Variants in CPEB1 observed in about 807,000 individuals in gnomAD.
The protein encoded by CPEB1 is cytoplasmic polyadenylation element binding protein 1, also known as cytoplasmic polyadenylation element-binding protein 1.
A neutral mutation model predicts 65.8 loss-of-function variants in CPEB1; 7 were observed. The observed-to-expected ratio is 0.11, with a 90% CI of 0.06 to 0.20. The LOEUF (loss-of-function observed/expected upper bound fraction) is 0.20. CPEB1 is among the 10% of genes least tolerant of loss of function. The probability of loss-of-function intolerance (pLI) is 1.00; values close to 1 mark genes in which losing one functional copy is unlikely to be tolerated. For synonymous variants in CPEB1, 262 were observed against 260.0 expected (o/e 1.01, Z -0.08); for missense variants, 551 against 712.2 (o/e 0.77, Z 2.58).
chr15:82,565,927 C>G (rs922410818), intron 4 of CPEB1, among the ~76,000 whole-genome samples: 4 of 152,244 alleles, frequency 2.6e-5, no homozygotes, highest in African/African-American at 9.6e-5. Flanking sequence ...CTACAGACAT[C>G]TCTCAGGGAA....
intron 1 of CPEB1, among the ~76,000 whole-genome samples, chr15:82,642,862 T>C (rs1286308067): frequency 6.6e-6 from 1 of 152,202 alleles, no homozygotes; most frequent in Non-Finnish European, 1.5e-5. Flanking sequence ...CCTCCAATAC[T>C]AGCTACTAAA....
At chr15:82,590,964 C>A (rs1033084500) in intron 3 of CPEB1, among the ~76,000 whole-genome samples, 7 of 152,202 alleles carry the variant, frequency 4.6e-5, no homozygotes, top group Non-Finnish European at 8.8e-5. Flanking sequence ...GTGAATAGCA[C>A]TGCAATGAAC....
chr15:82,628,749 CGG>C (rs1567233112), intron 1 of CPEB1, 193 bp from the exon 2 acceptor site: 2 of 330,030 alleles, frequency 6.1e-6, no homozygotes, highest in African/African-American at 2.1e-5. Context: ...TCCTCTTCCT[CGG>C]CCTGCTCAAT....
intron 6 of CPEB1, among the ~76,000 whole-genome samples, chr15:82,555,555 A>G (rs543259572): frequency 6.8e-4 from 104 of 152,320 alleles, no homozygotes; most frequent in Admixed American, 1.3e-3. Context: ...CACCCGTGGA[A>G]AAAGTAAAAG....
chr15:82,603,810 A>C (rs1403639299), intron 3 of CPEB1, among the ~76,000 whole-genome samples: 1 of 152,194 alleles, frequency 6.6e-6, no homozygotes, highest in Non-Finnish European at 1.5e-5. Flanking sequence ...ACTAGCTGAG[A>C]AGAGCCACTA....
chr15:82,546,594 C>T, intron 11 of CPEB1, 73 bp from the exon 12 acceptor site: 13 of 1,095,588 alleles, frequency 1.2e-5, no homozygotes, highest in Non-Finnish European at 1.8e-5. Context: ...AGAAGAAGGG[C>T]ACATTATTGG....
chr15:82,590,016 T>C, intron 3 of CPEB1, among the ~76,000 whole-genome samples: 1 of 152,162 alleles, frequency 6.6e-6, no homozygotes, highest in East Asian at 1.9e-4. Flanking sequence ...CAGGAGGTCC[T>C]GGATTCCCTA....
chr15:82,547,574 G>A (rs904954785), intron 10 of CPEB1, among the ~76,000 whole-genome samples: 5 of 151,682 alleles, frequency 3.3e-5, no homozygotes, highest in East Asian at 1.9e-4. Flanking sequence ...GATTACAGGC[G>A]TGAGCCACCG....
chr15:82,584,753 A>C (rs560450589), intron 3 of CPEB1, among the ~76,000 whole-genome samples: 1 of 151,948 alleles, frequency 6.6e-6, no homozygotes, highest in South Asian at 2.1e-4. Context: ...AAAGGGATAT[A>C]AAAAATTAAC....
intron 1 of CPEB1, among the ~76,000 whole-genome samples, chr15:82,635,895 G>C (rs938462381): frequency 6.6e-6 from 1 of 152,168 alleles, no homozygotes. Flanking sequence ...AGAGGATACA[G>C]AACACAGTAA....
At chr15:82,588,108 T>C (rs1414690175) in intron 3 of CPEB1, among the ~76,000 whole-genome samples, 1 of 125,842 alleles carries the variant, frequency 7.9e-6, no homozygotes, top group East Asian at 2.4e-4. Flanking sequence ...TGTTTGTTTT[T>C]TGTTTTTGTA....
At chr15:82,628,613 G>T in intron 1 of CPEB1, 57 bp from the exon 2 acceptor site, 1 of 593,744 alleles carries the variant, frequency 1.7e-6, no homozygotes. Context: ...TTACAGAAAT[G>T]AAAAAGCAAA....
chr15:82,632,131 G>A (rs926044477), intron 1 of CPEB1, among the ~76,000 whole-genome samples: 2 of 151,528 alleles, frequency 1.3e-5, no homozygotes, highest in Admixed American at 6.6e-5. Context: ...ACATACGCCC[G>A]CCACCACGCC....
At chr15:82,604,155 C>T (rs2043353243) in intron 3 of CPEB1, among the ~76,000 whole-genome samples, 1 of 152,106 alleles carries the variant, frequency 6.6e-6, no homozygotes, top group African/African-American at 2.4e-5. Flanking sequence ...TCAAGCCAAG[C>T]CTGGGCAACA....
At chr15:82,633,702 A>G (rs1175447072) in intron 1 of CPEB1, among the ~76,000 whole-genome samples, 1 of 152,170 alleles carries the variant, frequency 6.6e-6, no homozygotes, top group Non-Finnish European at 1.5e-5. Context: ...ATCAGGCCTC[A>G]ATTTTCTCCT....
At chr15:82,630,771 A>G (rs572635769) in intron 1 of CPEB1, among the ~76,000 whole-genome samples, 2 of 152,258 alleles carry the variant, frequency 1.3e-5, no homozygotes, top group East Asian at 3.9e-4. Flanking sequence ...AACACAAGAG[A>G]GTAGAGAGGC....
intron 3 of CPEB1, among the ~76,000 whole-genome samples, chr15:82,604,572 TAA>T (rs1596092175): frequency 2.0e-5 from 3 of 150,548 alleles, no homozygotes; most frequent in African/African-American, 7.3e-5. Flanking sequence ...AGAATATTAC[TAA>T]AGAGACAGAA....
At position 82,555,980 on chromosome 15, in the gene CPEB1, G is replaced by A; in HGVS notation, c.830C>T (p.Ala277Val). 1 of 1,613,864 alleles carries A rather than the reference G, an allele frequency of 6.2e-7. No homozygotes were observed. The highest frequency in any genetic ancestry group is 8.5e-7 in the Non-Finnish European group (1 of 1,179,926). Reference sequence around the variant, plus strand: ...AGAAGCTCCTGGCCATCTCTTTGAAGCACTGGTTGGGGAGGGAGTGACTGC... The same window carrying A: ...AGAAGCTCCTGGCCATCTCTTTGAAACACTGGTTGGGGAGGGAGTGACTGC... Reference protein sequence around the residue: ...LAAVTPSPTSASKRWPGASVW... With the variant: ...LAAVTPSPTSVSKRWPGASVW... Residue 277 changes from alanine (A) to valine (V), a missense_variant, in exon 6 of 13, where the codon GCT becomes GTT. Ala to Val is a moderately conservative substitution (Grantham distance 64). Coordinates refer to ENST00000684509, the MANE Select transcript of CPEB1 (RefSeq NM_001365242.1).
chr15:82,591,217 T>C (rs73439122), intron 3 of CPEB1, among the ~76,000 whole-genome samples: 2,362 of 152,244 alleles, frequency 0.016, 61 homozygotes, highest in African/African-American at 0.055. Flanking sequence ...CCATCCTGAC[T>C]GGTGTGAGGT....
Sources: gnomAD v4.1 joint callset for allele counts (sites outside exome capture counted in the v4.1 genomes callset) on GRCh38, gnomAD v4.1.1 for gene constraint, MANE v1.5 for transcripts, NCBI Gene and HGNC (gene_info 2026-07-23, HGNC 2026-07-21) for gene names.